Variants in PRICKLE2 observed in about 807,000 individuals in gnomAD.
The protein encoded by PRICKLE2 is prickle-like protein 2.
A neutral mutation model predicts 81.4 loss-of-function variants in PRICKLE2; 21 were observed. That is an observed-to-expected ratio of 0.26 (90% CI 0.18 to 0.37). PRICKLE2 has a LOEUF of 0.37. Among genes scored for constraint, PRICKLE2 ranks in the 10% least tolerant of loss-of-function variants. PRICKLE2 has a pLI of 1.00. For synonymous variants in PRICKLE2, 456 were observed against 421.5 expected, an observed-to-expected ratio of 1.08 and a Z score of -1.00; for missense variants, 940 against 1,109.0, an observed-to-expected ratio of 0.85 and a Z score of 2.16.
chr3:64,179,045 CTTCT>C (rs1185772737), intron 2 of PRICKLE2, among the ~76,000 whole-genome samples: 3 of 94,528 alleles, frequency 3.2e-5, no homozygotes, highest in African/African-American at 8.0e-5. Flanking sequence ...CTTTTCTTTC[CTTCT>C]TTCTTTCTTC....
rs2076559230 is a variant in PRICKLE2 at position 64,095,455 on chromosome 3, G to A, written c.*3596C>T. The A allele has an allele frequency of 6.6e-6, 1 of 152,226 alleles. No homozygotes were observed. The highest frequency in any genetic ancestry group is 2.4e-5 in the African/African-American group (1 of 41,446). 9.4% of individuals were successfully genotyped at this position (152,226 alleles called of 1,614,324 possible). A position where few individuals can be genotyped will look rare whatever the true frequency, so the allele number is the denominator to read the frequency against. On this transcript the variant is annotated 3_prime_UTR_variant, in exon 8 of 8. Transcript: ENST00000638394. ...TCTGATCAACTGGTCCTGGCTGGTT[G>A]GAGTGTTGCAAAGATCTGTGAGGCT... is the stretch of plus-strand genomic sequence containing the variant.
chr3:64,235,419 A>T (rs1215257815), intron 2 of PRICKLE2, among the ~76,000 whole-genome samples: 1 of 152,190 alleles, frequency 6.6e-6, no homozygotes, highest in Non-Finnish European at 1.5e-5. Flanking sequence ...TCCTGTATAT[A>T]GGTCACACTT....
intron 2 of PRICKLE2, among the ~76,000 whole-genome samples, chr3:64,169,031 TCAATATA>T (rs1355156178): frequency 6.6e-6 from 1 of 152,120 alleles, no homozygotes; most frequent in African/African-American, 2.4e-5. Flanking sequence ...ACTGAGAGCA[TCAATATA>T]CTCAGCTAAG....
intron 2 of PRICKLE2, among the ~76,000 whole-genome samples, chr3:64,235,535 C>G (rs1203915149): frequency 1.3e-5 from 2 of 152,180 alleles, no homozygotes; most frequent in African/African-American, 4.8e-5. Flanking sequence ...CCCTGCCCCC[C>G]TTCTGGAGCT....
chr3:64,125,360 T>G (rs545996622), intron 7 of PRICKLE2, among the ~76,000 whole-genome samples: 16 of 152,370 alleles, frequency 1.1e-4, no homozygotes, highest in African/African-American at 3.4e-4. Context: ...GTGGCAGGGT[T>G]GAAGAGGATT....
At chr3:64,244,603 GGTGTGTGTGT>G (rs71680837) in intron 2 of PRICKLE2, among the ~76,000 whole-genome samples, 1 of 91,624 alleles carries the variant, frequency 1.1e-5, no homozygotes, top group Non-Finnish European at 2.7e-5. Flanking sequence ...GTGAATGACT[GGTGTGTGTGT>G]GTGTGTGTGT....
intron 7 of PRICKLE2, among the ~76,000 whole-genome samples, chr3:64,125,704 T>C (rs1484939120): frequency 1.3e-5 from 2 of 152,262 alleles, no homozygotes; most frequent in African/African-American, 2.4e-5. Context: ...GACTACAGTA[T>C]AATGTAAACA....
chr3:64,259,185 T>G (rs1213572931), intron 2 of PRICKLE2, among the ~76,000 whole-genome samples: 1 of 152,150 alleles, frequency 6.6e-6, no homozygotes, highest in Non-Finnish European at 1.5e-5. Flanking sequence ...ATCACTTCAT[T>G]TGACAATAAG....
intron 2 of PRICKLE2, among the ~76,000 whole-genome samples, chr3:64,246,137 G>A (rs1432031791): frequency 6.6e-6 from 1 of 152,150 alleles, no homozygotes; most frequent in African/African-American, 2.4e-5. Context: ...AGCTACTCAA[G>A]AGGCTGAGGC....
At chr3:64,237,592 T>C (rs1257245254) in intron 2 of PRICKLE2, among the ~76,000 whole-genome samples, 1 of 152,148 alleles carries the variant, frequency 6.6e-6, no homozygotes, top group East Asian at 1.9e-4. Context: ...CCTGGGGTTT[T>C]TATGGCTACA....
At chr3:64,136,329 T>C (rs375894907) in intron 7 of PRICKLE2, among the ~76,000 whole-genome samples, 1 of 151,704 alleles carries the variant, frequency 6.6e-6, no homozygotes, top group Non-Finnish European at 1.5e-5. Context: ...AGCTCAGTGG[T>C]CCTCAAACTT....
chr3:64,141,975 T>G, intron 7 of PRICKLE2: 1 of 979,548 alleles, frequency 1.0e-6, no homozygotes, highest in Non-Finnish European at 1.2e-6. Context: ...GATATGCAGA[T>G]AGTTTAGAAT....
intron 2 of PRICKLE2, among the ~76,000 whole-genome samples, chr3:64,249,641 T>C (rs939533539): frequency 4.6e-5 from 7 of 152,204 alleles, no homozygotes; most frequent in African/African-American, 1.7e-4. Context: ...TCCACAGCTC[T>C]TTTCCTTGAA....
chr3:64,234,480 A>G (rs979824238), intron 2 of PRICKLE2, among the ~76,000 whole-genome samples: 1 of 152,090 alleles, frequency 6.6e-6, no homozygotes, highest in Non-Finnish European at 1.5e-5. Flanking sequence ...GTATATTCAA[A>G]TTTTTTGCTC....
At chr3:64,111,214 A>G (rs1319574811) in intron 7 of PRICKLE2, among the ~76,000 whole-genome samples, 1 of 152,198 alleles carries the variant, frequency 6.6e-6, no homozygotes, top group Non-Finnish European at 1.5e-5. Context: ...AAGTACTTAG[A>G]ACAGTGCTGG....
intron 2 of PRICKLE2, among the ~76,000 whole-genome samples, chr3:64,244,391 A>G (rs542549764): frequency 6.6e-6 from 1 of 152,292 alleles, no homozygotes; most frequent in South Asian, 2.1e-4. Context: ...AAAGGGAATT[A>G]TGTAGTAACT....
intron 2 of PRICKLE2, among the ~76,000 whole-genome samples, chr3:64,186,170 T>G (rs191144879): frequency 2.4e-4 from 37 of 152,366 alleles, no homozygotes; most frequent in Non-Finnish European, 1.3e-4. Context: ...TGTTTATCCA[T>G]GTACCTGTGG....
chr3:64,259,859 G>A (rs549635474), intron 2 of PRICKLE2, among the ~76,000 whole-genome samples: 1 of 152,266 alleles, frequency 6.6e-6, no homozygotes, highest in Admixed American at 6.5e-5. Flanking sequence ...CCAACACCCT[G>A]ACTTTCAAAC....
In PRICKLE2 at chr3:64,205,302, C is replaced by T. The variant is rs2078664861; in HGVS notation, c.-40-6335G>A. ...CCAAAGTTGCAGCATTAAATCATGGCTTCCGTATCTCAGCAGCCATAATTA... is the reference window on the plus strand; with the variant it reads ...CCAAAGTTGCAGCATTAAATCATGGTTTCCGTATCTCAGCAGCCATAATTA... On this transcript the variant is annotated intron_variant, in intron 1 of 7. Coordinates refer to ENST00000638394, the MANE Select transcript of PRICKLE2 (RefSeq NM_198859.4). Among the ~76,000 whole-genome samples the T allele has an allele frequency of 2.0e-5, 3 of 152,152 alleles. No individual in the cohort carries two copies. In the South Asian group the frequency reaches 6.2e-4, roughly 32 times the overall value.
Sources: allele counts gnomAD v4.1 joint callset (sites outside exome capture counted in the v4.1 genomes callset), GRCh38; gene constraint gnomAD v4.1.1; transcripts MANE v1.5; gene names NCBI Gene and HGNC (gene_info 2026-07-23, HGNC 2026-07-21).